The following PCDH1 variants were observed in gnomAD, a reference collection of about 807,000 sequenced individuals.
PCDH1 encodes the protein protocadherin 1, also known as protocadherin-1.
In PCDH1, 23 loss-of-function variants were observed where a neutral mutation model predicts 74.6. The ratio of observed to expected loss-of-function variants is 0.31; its 90% CI spans 0.22 to 0.44. The LOEUF is 0.44. Ranked by LOEUF, PCDH1 falls within the 20% of genes least tolerant of loss-of-function variation. PCDH1 has a pLI of 1.00. For synonymous variants in PCDH1, 647 were observed against 686.1 expected, an observed-to-expected ratio of 0.94 and a Z score of 0.89; for missense variants, 1,214 against 1,641.4, an observed-to-expected ratio of 0.74 and a Z score of 4.50.
chr5:141,861,567 G>A (rs1044838582), intron 3 of PCDH1, among the ~76,000 whole-genome samples: 15 of 152,176 alleles, frequency 9.9e-5, no homozygotes, highest in African/African-American at 3.6e-4. Flanking sequence ...TGGAGATCAC[G>A]ATATGGTTAG....
chr5:141,870,598 G>A (rs748215010), intron 1 of PCDH1, among the ~76,000 whole-genome samples: 7 of 151,910 alleles, frequency 4.6e-5, no homozygotes, highest in Admixed American at 2.6e-4. Flanking sequence ...ATCCATCTCC[G>A]TATATCCAGC....
chr5:141,859,664 A>G lies in PCDH1; in HGVS notation c.3100-2193T>C, dbSNP rs183216069. On this transcript the variant is annotated intron_variant, in intron 3 of 4. Transcript: ENST00000287008. Reference sequence around the variant, plus strand: ...CCCTCATTCCCTATCCCTACCTCATATCCAATTATCCCTTGAATCCTGTGG... The same window carrying G: ...CCCTCATTCCCTATCCCTACCTCATGTCCAATTATCCCTTGAATCCTGTGG... Among the ~76,000 whole-genome samples the G allele has an allele frequency of 6.6e-5, 10 of 152,136 alleles. No homozygotes were observed. The East Asian group carries it at 1.7e-3, about 26-fold the overall frequency.
In PCDH1 at chr5:141,873,668, C is replaced by A. The variant is rs192215171; in HGVS notation, c.41-4237G>T. Among the ~76,000 whole-genome samples the A allele has an allele frequency of 6.6e-3, 996 of 150,984 alleles. 18 individuals are homozygous for A. The highest frequency in any genetic ancestry group is 0.023 in the African/African-American group (945 of 40,966). On this transcript the variant is annotated intron_variant, in intron 1 of 4. Transcript: ENST00000287008. ...AGAGACGGGGTTTCACCGTGTTAGC[C>A]AGGATGGTCTTGATCTCCTGACCTC...
chr5:141,856,351 T>C (rs6899007), intron 4 of PCDH1: 10 of 824,460 alleles, frequency 1.2e-5, no homozygotes, highest in Non-Finnish European at 1.8e-5. Context: ...ACCTAGGGCC[T>C]GGGAGGTTAG....
chr5:141,853,563 G>T lies in PCDH1; in HGVS notation c.*479C>A, dbSNP rs999643657. 6.6e-6 allele frequency: 1 copy of T among 152,380 alleles called. No homozygotes were observed. Among genetic ancestry groups the T allele is most frequent in the Admixed American group, 6.5e-5 (1 of 15,276 alleles). 9.4% of individuals were successfully genotyped at this position (152,380 alleles called of 1,614,324 possible). A position where few individuals can be genotyped will look rare whatever the true frequency, so the allele number is the denominator to read the frequency against. On this transcript the variant is annotated 3_prime_UTR_variant, in exon 5 of 5. Coordinates refer to ENST00000287008, the MANE Select transcript of PCDH1 (RefSeq NM_032420.5). Reference sequence around the variant, plus strand: ...CCTTTGGTAACAAAAGCCCTTCAGGGAGCCACTGGTGGTCAAGAGTTTCCT... The same window carrying T: ...CCTTTGGTAACAAAAGCCCTTCAGGTAGCCACTGGTGGTCAAGAGTTTCCT...
intron 1 of PCDH1, among the ~76,000 whole-genome samples, chr5:141,872,686 G>A (rs185319046): frequency 1.3e-5 from 2 of 152,250 alleles, no homozygotes; most frequent in Admixed American, 1.3e-4. Flanking sequence ...ACACATGCTT[G>A]TGAGACTACC....
intron 2 of PCDH1, chr5:141,866,187 A>G: frequency 1.0e-6 from 1 of 985,512 alleles, no homozygotes; most frequent in South Asian, 4.7e-5. Flanking sequence ...AAACCGGGGA[A>G]ACCTGTTTCA....
chr5:141,876,362 C>T lies in PCDH1; in HGVS notation c.40+1861G>A, dbSNP rs556224804. Among the ~76,000 whole-genome samples, 18 of 152,248 alleles carry T rather than the reference C, an allele frequency of 1.2e-4. No individual in the cohort carries two copies. The East Asian group carries it at 2.3e-3, about 20-fold the overall frequency. On this transcript the variant is annotated intron_variant, in intron 1 of 4. Coordinates refer to ENST00000287008, the MANE Select transcript of PCDH1 (RefSeq NM_032420.5). Reference sequence around the variant, plus strand: ...CCTCGGCCTAGGGTCCCCCGCAAGCCGGAGCCGGCGCGAGCGGCGCAGCGG... The same window carrying T: ...CCTCGGCCTAGGGTCCCCCGCAAGCTGGAGCCGGCGCGAGCGGCGCAGCGG...
chr5:141,855,009 T>A (rs1344359412), intron 4 of PCDH1, among the ~76,000 whole-genome samples: 1 of 151,578 alleles, frequency 6.6e-6, no homozygotes, highest in East Asian at 1.9e-4. Flanking sequence ...CTCACTCCTG[T>A]CACCCAGGCT....
In PCDH1 at chr5:141,864,258, G is replaced by T. The variant is rs759039973; in HGVS notation, c.2073C>A (p.Gly691=). Residue 691 remains glycine (G), a synonymous_variant, in exon 3 of 5, where the codon GGC becomes GGA. Transcript: ENST00000287008. This position sits in a 1 kb window ranked among gnomAD's most constrained non-coding sequence, Gnocchi z 5.9. ...CAACGTAAGCTGAGCGAGGTGGGACGCCACCATCCACTGCCTTCAGCTGGA... is the reference window on the plus strand; with the variant it reads ...CAACGTAAGCTGAGCGAGGTGGGACTCCACCATCCACTGCCTTCAGCTGGA... The part of the protein sequence containing the change: ...YTFQLKAVDG[G]VPPRSAYVGV... The T allele has an allele frequency of 1.9e-6, 3 of 1,611,972 alleles. No homozygotes were observed. The South Asian group carries it at 3.3e-5, about 18-fold the overall frequency.
At position 141,864,609 on chromosome 5, in the gene PCDH1, C is replaced by T. The variant is rs1285861934; in HGVS notation, c.1722G>A (p.Gln574=). ...IQVKTSLDRE[Q]RESYELKVVA... is the part of the protein sequence containing the mutation. ...CCACCTTCAACTCATAGCTCTCCCG[C>T]TGTTCCCGATCCAGAGATGTCTTCA... Residue 574 remains glutamine (Q), a synonymous_variant, in exon 3 of 5, where the codon CAG becomes CAA. Coordinates refer to ENST00000287008, the MANE Select transcript of PCDH1 (RefSeq NM_032420.5). The surrounding 1 kb of genome is among the most constrained non-coding windows in gnomAD (Gnocchi z 5.9). 1.2e-6 allele frequency: 2 copies of T among 1,613,536 alleles called. No homozygotes were observed. The highest frequency in any genetic ancestry group is 3.3e-5 in the Admixed American group (2 of 60,002).
chr5:141,877,874 A>C (rs1192018821), intron 1 of PCDH1, among the ~76,000 whole-genome samples: 2 of 152,078 alleles, frequency 1.3e-5, no homozygotes, highest in Admixed American at 1.3e-4. Context: ...GACCCCCACC[A>C]AACTGGGGGC....
intron 4 of PCDH1, chr5:141,856,164 T>C (rs1361802108): frequency 6.8e-6 from 10 of 1,478,846 alleles, no homozygotes; most frequent in Non-Finnish European, 6.4e-6. Context: ...ACTGGGTGGG[T>C]GAGGCTGGGT....
chr5:141,869,425 A>G lies in PCDH1; in HGVS notation c.47T>C (p.Leu16Pro), dbSNP rs1414429414. 1.3e-6 allele frequency: 2 copies of G among 1,597,118 alleles called. No homozygotes were observed. Among genetic ancestry groups the G allele is most frequent in the Non-Finnish European group, 8.5e-7 (1 of 1,178,610 alleles). ...GGRRCPEAAL[L>P]ILGPPRMEHL... is the part of the protein sequence containing the mutation. ...CTCCATCCTGGGAGGCCCCAGAATC[A>G]GGAGGGCTGCAAGGGGAAGAGGCAA... is the stretch of plus-strand genomic sequence containing the variant. Residue 16 changes from leucine (L) to proline (P), a missense_variant, in exon 2 of 5, where the codon CTG becomes CCG. By Grantham distance (98) the Leu-to-Pro change is moderately conservative (BLOSUM62 -3). Around this residue, in one of 4 missense-constraint regions of PCDH1, gnomAD observed 87 missense variants for 87.7 expected, o/e 0.99. Transcript: ENST00000287008. This position sits in a 1 kb window ranked among gnomAD's most constrained non-coding sequence, Gnocchi z 4.9.
At chr5:141,875,871 AC>A (rs1379620862) in intron 1 of PCDH1, among the ~76,000 whole-genome samples, 1 of 151,646 alleles carries the variant, frequency 6.6e-6, no homozygotes, top group African/African-American at 2.4e-5. Flanking sequence ...ATAAAGTAAC[AC>A]CCACCTACTC....
At chr5:141,873,082 C>T (rs1399722780) in intron 1 of PCDH1, among the ~76,000 whole-genome samples, 1 of 151,950 alleles carries the variant, frequency 6.6e-6, no homozygotes, top group Non-Finnish European at 1.5e-5. Context: ...CTGGGTACAA[C>T]TTTGAGATAA....
intron 4 of PCDH1, among the ~76,000 whole-genome samples, chr5:141,856,625 G>A (rs749094809): frequency 1.3e-5 from 2 of 152,108 alleles, no homozygotes; most frequent in Non-Finnish European, 2.9e-5. Context: ...CGACCTCTGC[G>A]CTGGCTCACA....
In PCDH1 at chr5:141,863,520, G is replaced by A. The variant is rs1561480485; in HGVS notation, c.2811C>T (p.Leu937=). ...DEDEAGLQKS[L]KFNLMSDAPG... ...GGGCATCGCTCATCAGGTTGAACTT[G>A]AGGGACTTCTGCAGCCCGGCCTCAT... The change falls in exon 3 of 5, where the codon CTC becomes CTT. Residue 937 remains leucine, a synonymous_variant. Transcript: ENST00000287008. This position sits in a 1 kb window ranked among gnomAD's most constrained non-coding sequence, Gnocchi z 7.5. 5.0e-6 allele frequency: 8 copies of A among 1,613,702 alleles called. No homozygotes were observed. Among genetic ancestry groups the A allele is most frequent in the Admixed American group, 1.7e-5 (1 of 59,960 alleles).
intron 1 of PCDH1, among the ~76,000 whole-genome samples, chr5:141,872,110 C>G (rs1282079834): frequency 6.7e-6 from 1 of 149,648 alleles, no homozygotes; most frequent in Non-Finnish European, 1.5e-5. Flanking sequence ...ATCTGTACTC[C>G]ATTTGGATCC....
Sources: allele counts gnomAD v4.1 joint callset (sites outside exome capture counted in the v4.1 genomes callset), GRCh38; gene constraint gnomAD v4.1.1; regional missense constraint gnomAD v4.1.1; non-coding constraint Gnocchi (gnomAD v3.1); transcripts MANE v1.5; gene names NCBI Gene and HGNC (gene_info 2026-07-23, HGNC 2026-07-21).